The following KIN variants were observed in gnomAD, a reference collection of about 807,000 sequenced individuals.
KIN encodes the protein DNA/RNA-binding protein KIN17.
KIN carries 47 observed loss-of-function variants against 63.0 expected under a neutral mutation model. The ratio of observed to expected loss-of-function variants is 0.75; its 90% CI spans 0.59 to 0.95. The LOEUF is 0.95. KIN is among the 40% of genes least tolerant of loss of function. The probability of loss-of-function intolerance (pLI) is 0.00; values close to 1 mark genes in which losing one functional copy is unlikely to be tolerated. For synonymous variants in KIN, 160 were observed against 157.7 expected (o/e 1.01, Z -0.11); for missense variants, 408 against 460.9 (o/e 0.89, Z 1.05).
Position 7,754,833 on chromosome 10 carries a change from C to G in KIN, c.*1247G>C, listed in dbSNP as rs1421992225. 1 of 152,264 alleles carries G rather than the reference C, an allele frequency of 6.6e-6. No individual in the cohort carries two copies. Among genetic ancestry groups the G allele is most frequent in the Non-Finnish European group, 1.5e-5 (1 of 68,132 alleles). 9.4% of individuals were successfully genotyped at this position (152,264 alleles called of 1,614,324 possible). ...GAAGCTAGCGTCTGCTCCTTTCAGT[C>G]ATGTGCACTACAAATATCCCTTCGT... is the stretch of plus-strand genomic sequence containing the variant. On this transcript the variant is annotated 3_prime_UTR_variant, in exon 13 of 13. Coordinates refer to ENST00000379562, the MANE Select transcript of KIN (RefSeq NM_012311.4).
rs144589359 is a variant in KIN at position 7,775,066 on chromosome 10, G to A, written c.608-175C>T. ...TCCTGTAAAACGTCCCACACTGAAA[G>A]CCATAGAACAGGAGGAACTTGCACA... On this transcript the variant is annotated intron_variant, in intron 6 of 12. Transcript: ENST00000379562. Among the ~76,000 whole-genome samples the A allele has an allele frequency of 4.8e-3, 737 of 152,276 alleles. 5 individuals carry two copies. Among genetic ancestry groups the A allele is most frequent in the Non-Finnish European group, 8.3e-3 (565 of 68,022 alleles).
intron 11 of KIN, among the ~76,000 whole-genome samples, chr10:7,760,949 G>C (rs1248519904): frequency 6.6e-6 from 1 of 152,144 alleles, no homozygotes; most frequent in African/African-American, 2.4e-5. Context: ...CTGAGTGAAA[G>C]TAGCCAGACC....
intron 7 of KIN, among the ~76,000 whole-genome samples, chr10:7,770,016 C>T (rs1045888200): frequency 1.3e-5 from 2 of 152,082 alleles, no homozygotes; most frequent in East Asian, 1.9e-4. Flanking sequence ...TTGCAACCTC[C>T]GCCTCCCAGG....
chr10:7,779,667 GA>G (rs1835857500), intron 4 of KIN, among the ~76,000 whole-genome samples: 1 of 152,078 alleles, frequency 6.6e-6, no homozygotes, highest in African/African-American at 2.4e-5. Flanking sequence ...AATATTATAA[GA>G]AATCTCGAGA....
intron 12 of KIN, among the ~76,000 whole-genome samples, chr10:7,757,422 C>T (rs1835351451): frequency 6.6e-6 from 1 of 152,060 alleles, no homozygotes; most frequent in African/African-American, 2.4e-5. Context: ...TTTCTTGAAC[C>T]CGGAGGCAGA....
intron 11 of KIN, 37 bp from the exon 12 acceptor site, chr10:7,760,027 A>AAAGTGGAG: frequency 1.0e-6 from 1 of 985,030 alleles, no homozygotes; most frequent in Non-Finnish European, 1.5e-6. Flanking sequence ...AATGTGAAGA[A>AAAGTGGAG]ATATCTCCAC....
chr10:7,784,178 G>A (rs1357357192), intron 1 of KIN, among the ~76,000 whole-genome samples: 1 of 152,262 alleles, frequency 6.6e-6, no homozygotes, highest in African/African-American at 2.4e-5. Flanking sequence ...GGAGTAGATT[G>A]GGGGGATACC....
rs77654432 is a variant in KIN, at chr10:7,758,435, G to A, written c.1119+1455C>T. On this transcript the variant is annotated intron_variant, in intron 12 of 12. Transcript: ENST00000379562. ...AATCAAACAGAAAGGCTTTTCATGT[G>A]GATTTGCTGCTAAGTTCTACCTCAG... Among the ~76,000 whole-genome samples the A allele has an allele frequency of 1.7e-3, 253 of 152,234 alleles. 1 individual carries two copies. The highest frequency in any genetic ancestry group is 5.8e-3 in the African/African-American group (243 of 41,544).
chr10:7,778,912 C>T lies in KIN; in HGVS notation c.484G>A (p.Asp162Asn), dbSNP rs1471546331. ...QLELEKKKKQ[D>N]LDDEEKTAKF... ...GCAGTTTTTTCTTCATCATCAAGGT[C>T]CTGCTTTTTCTTTTTCTCCAGTTCC... The change falls in exon 5 of 13, where the codon GAC (aspartate) becomes AAC (asparagine). Residue 162 changes from aspartate (D) to asparagine (N), a missense_variant. Asp to Asn is a conservative substitution (Grantham distance 23). Transcript: ENST00000379562. 1 of 1,614,104 alleles carries T rather than the reference C, an allele frequency of 6.2e-7. No individual in the cohort carries two copies. Among genetic ancestry groups the T allele is most frequent in the Non-Finnish European group, 8.5e-7 (1 of 1,180,020 alleles).
In KIN at chr10:7,784,951, C is replaced by T. The variant is rs538021044; in HGVS notation, c.115-1776G>A. Among the ~76,000 whole-genome samples the T allele has an allele frequency of 3.5e-4, 53 of 152,164 alleles. 1 individual carries two copies. The highest frequency in any genetic ancestry group is 6.8e-3 in the Middle Eastern group (2 of 294). On this transcript the variant is annotated intron_variant, in intron 1 of 12. Coordinates refer to ENST00000379562, the MANE Select transcript of KIN (RefSeq NM_012311.4). ...TGCTATATGAGATATACAAGATCAC[C>T]TATAAAGAATACTATAGGCTGGGCA... is the stretch of plus-strand genomic sequence containing the variant.
chr10:7,758,078 C>CT (rs200701372), intron 12 of KIN, among the ~76,000 whole-genome samples: 45,019 of 134,628 alleles, frequency 0.33, 8,491 homozygotes, highest in Non-Finnish European at 0.42. Context: ...GACAGATTCC[C>CT]TTTTTTTTTT....
At chr10:7,781,258 T>C (rs1225899193) in intron 2 of KIN, among the ~76,000 whole-genome samples, 2 of 151,906 alleles carry the variant, frequency 1.3e-5, no homozygotes, top group Admixed American at 1.3e-4. Flanking sequence ...CACAGAAACA[T>C]GAAAGCCTCA....
At chr10:7,775,493 C>CCTTA (rs1369264428) in intron 6 of KIN, among the ~76,000 whole-genome samples, 5 of 152,276 alleles carry the variant, frequency 3.3e-5, no homozygotes, top group African/African-American at 1.2e-4. Flanking sequence ...TGCAGAACCA[C>CCTTA]CTTACCTCTG....
chr10:7,771,062 CTCTGG>C (rs1835657297), intron 7 of KIN, among the ~76,000 whole-genome samples: 1 of 152,160 alleles, frequency 6.6e-6, no homozygotes, highest in African/African-American at 2.4e-5. Flanking sequence ...TATATTTAAA[CTCTGG>C]TTCTATTACT....
intron 6 of KIN, 62 bp from the exon 7 acceptor site, chr10:7,774,953 G>T: frequency 1.7e-6 from 2 of 1,189,564 alleles, no homozygotes; most frequent in South Asian, 1.2e-5. Flanking sequence ...AAACTTCTCA[G>T]ATAAGATACT....
chr10:7,775,644 A>G, intron 6 of KIN, 107 bp downstream of exon 6: 1 of 567,016 alleles, frequency 1.8e-6, no homozygotes, highest in East Asian at 3.1e-5. Flanking sequence ...TGTAACTCAG[A>G]CACATTCGAT....
At chr10:7,778,560 GA>G (rs1445646545) in intron 5 of KIN, among the ~76,000 whole-genome samples, 1 of 152,176 alleles carries the variant, frequency 6.6e-6, no homozygotes, top group African/African-American at 2.4e-5. Context: ...CCAACATGGT[GA>G]AACCCTGTCT....
At position 7,754,096 on chromosome 10, in the gene KIN, G is replaced by A. The variant is rs1009554559; in HGVS notation, c.*1984C>T. On this transcript the variant is annotated 3_prime_UTR_variant, in exon 13 of 13. Coordinates refer to ENST00000379562, the MANE Select transcript of KIN (RefSeq NM_012311.4). ...TGTAATCACAACATTTTAGAAGGCC[G>A]AGGCAGGAGGATTGCTTGAGCTCAA... 6 of 455,860 alleles carry A rather than the reference G, an allele frequency of 1.3e-5. No individual in the cohort carries two copies. The highest frequency in any genetic ancestry group is 4.0e-5 in the African/African-American group (2 of 50,036). The allele number at this position is 455,860 out of a possible 1,614,324, so 28.2% of individuals were successfully genotyped here.
chr10:7,759,014 C>T (rs921863164), intron 12 of KIN, among the ~76,000 whole-genome samples: 2 of 151,760 alleles, frequency 1.3e-5, no homozygotes, highest in African/African-American at 4.8e-5. Flanking sequence ...TTCCAGAAAA[C>T]CTTCCTAGAC....
Sources: allele counts gnomAD v4.1 joint callset (sites outside exome capture counted in the v4.1 genomes callset), GRCh38; gene constraint gnomAD v4.1.1; transcripts MANE v1.5; gene names NCBI Gene and HGNC (gene_info 2026-07-23, HGNC 2026-07-21).